Variants in PCNT observed in about 807,000 individuals in gnomAD.
PCNT encodes kendrin.
A neutral mutation model predicts 380.4 loss-of-function variants in PCNT; 319 were observed. That is an observed-to-expected ratio of 0.84 (90% CI 0.77 to 0.92). The LOEUF is 0.92. Among genes scored for constraint, PCNT ranks in the 40% least tolerant of loss-of-function variants. PCNT has a pLI of 0.00. For missense variants in PCNT, 4,400 were observed against 4,255.3 expected (o/e 1.03, Z -0.95); for synonymous variants, 1,845 against 1,735.2 (o/e 1.06, Z -1.57).
In PCNT at chr21:46,334,605, TCA is replaced by T; in HGVS notation, c.479_480del (p.Thr160SerfsTer3). On this transcript the variant is annotated frameshift_variant, in exon 3 of 47. Transcript: ENST00000359568. LOFTEE classifies it high-confidence loss of function. The stretch of plus-strand genomic sequence containing the variant: ...CACCCACCAGAACAGCATGGGATGT[TCA>T]CAGTCAGTGACCACCCACCAGAACA... 6.2e-7 allele frequency: 1 copy of T among 1,605,892 alleles called. No homozygotes were observed.
chr21:46,388,133 C>T lies in PCNT; in HGVS notation c.3465-609C>T, dbSNP rs2085904338. 6.6e-6 allele frequency among the ~76,000 whole-genome samples: 1 copy of T among 152,100 alleles called. No individual in the cohort carries two copies. Among genetic ancestry groups the T allele is most frequent in the Admixed American group, 6.6e-5 (1 of 15,266 alleles). ...GCTGAGGCAGGAGAAAGGCGTGAAC[C>T]CGGGAGGTGGAGCTTGCAGTGAGCC... On this transcript the variant is annotated intron_variant, in intron 17 of 46. Transcript: ENST00000359568. This position sits in a 1 kb window ranked among gnomAD's most constrained non-coding sequence, Gnocchi z 4.2.
intron 2 of PCNT, among the ~76,000 whole-genome samples, chr21:46,331,190 C>T (rs927959811): frequency 7.2e-5 from 11 of 152,008 alleles, no homozygotes; most frequent in African/African-American, 2.7e-4. Context: ...ACAGGTCCTC[C>T]CTCTGGCGCC....
At chr21:46,373,779 G>C (rs2085240084) in intron 15 of PCNT, among the ~76,000 whole-genome samples, 1 of 137,700 alleles carries the variant, frequency 7.3e-6, no homozygotes, top group Non-Finnish European at 1.5e-5. Context: ...CGCCAGGCTG[G>C]AGTGCAGTGG....
chr21:46,340,374 C>T (rs1298878289), intron 3 of PCNT, among the ~76,000 whole-genome samples: 1 of 152,192 alleles, frequency 6.6e-6, no homozygotes, highest in Non-Finnish European at 1.5e-5. Context: ...GCTCAGCCCA[C>T]TTTTGTGCTT....
In PCNT at chr21:46,370,807, G is replaced by A. The variant is rs565299910; in HGVS notation, c.3165+3668G>A. On this transcript the variant is annotated intron_variant, in intron 15 of 46. Transcript: ENST00000359568. Reference sequence around the variant, plus strand: ...TCCCAGCACTTTGGGAGGCTAAGGCGGGCAGATCATGAGGTCAGGAGATCA... The same window carrying A: ...TCCCAGCACTTTGGGAGGCTAAGGCAGGCAGATCATGAGGTCAGGAGATCA... 1.2e-4 allele frequency among the ~76,000 whole-genome samples: 18 copies of A among 152,238 alleles called. No individual in the cohort carries two copies. The South Asian group carries it at 2.1e-3, about 18-fold the overall frequency.
rs199640387 is a variant in PCNT at position 46,390,056 on chromosome 21, C to G, written c.3841-614C>G. Among the ~76,000 whole-genome samples, 296 of 152,376 alleles carry G rather than the reference C, an allele frequency of 1.9e-3. 1 individual carries two copies. The highest frequency in any genetic ancestry group is 3.0e-3 in the Non-Finnish European group (204 of 68,046). ...GAAAGTGTACGGGAGTGTGAGCAAC[C>G]CATCCGGAGGGTCTTCCAGAGCCTC... is the stretch of plus-strand genomic sequence containing the variant. On this transcript the variant is annotated intron_variant, in intron 19 of 46. Transcript: ENST00000359568.
intron 15 of PCNT, among the ~76,000 whole-genome samples, chr21:46,371,123 TGAG>T (rs1286838894): frequency 1.3e-4 from 19 of 151,670 alleles, no homozygotes; most frequent in Admixed American, 1.2e-3. Flanking sequence ...CTTGGGAGGC[TGAG>T]GAGAGAAAAT....
chr21:46,400,937 T>C (rs1385147064), intron 25 of PCNT, among the ~76,000 whole-genome samples: 2 of 152,212 alleles, frequency 1.3e-5, no homozygotes, highest in Non-Finnish European at 2.9e-5. Context: ...CACCTGCACT[T>C]GGAGCGGAGT....
chr21:46,366,750 G>T lies in PCNT; in HGVS notation c.2776G>T (p.Ala926Ser). 6.2e-7 allele frequency: 1 copy of T among 1,613,554 alleles called. No homozygotes were observed. The highest frequency in any genetic ancestry group is 8.5e-7 in the Non-Finnish European group (1 of 1,180,048). The change falls in exon 15 of 47, where the codon GCG becomes TCG. Residue 926 changes from alanine to serine, a missense_variant. Physicochemically the swap from Ala to Ser is moderately conservative, Grantham distance 99. Transcript: ENST00000359568. ...GGAGCTCGAGGCCAGACACCAGGCC[G>T]CGTTGGGCGAGCTGACAGCCTCCTT... Reference protein sequence around the residue: ...TAELEARHQAALGELTASLES... With the variant: ...TAELEARHQASLGELTASLES...
rs746468689 is a variant in PCNT at position 46,411,720 on chromosome 21, C to T, written c.5647C>T (p.Arg1883Trp). Residue 1883 changes from arginine (R) to tryptophan (W), a missense_variant, in exon 28 of 47, where the codon CGG becomes TGG. Transcript: ENST00000359568. ...RNLEIDALNQ[R>W]KAAHSAELEA... ...TTTAGAAATCGACGCTCTGAACCAG[C>T]GGAAGGCGGCCCACTCTGCCGAGCT... 243 of 1,612,224 alleles carry T rather than the reference C, an allele frequency of 1.5e-4. No individual in the cohort carries two copies. In the East Asian group the frequency reaches 4.3e-3, roughly 28 times the overall value.
intron 27 of PCNT, among the ~76,000 whole-genome samples, 188 bp downstream of exon 27, chr21:46,402,671 G>C (rs1161002888): frequency 6.6e-6 from 1 of 152,148 alleles, no homozygotes; most frequent in Non-Finnish European, 1.5e-5. Flanking sequence ...AGCTTTCTAG[G>C]GATCTTGAGT....
At chr21:46,398,912 C>T (rs1017372256) in intron 24 of PCNT, among the ~76,000 whole-genome samples, 5 of 150,984 alleles carry the variant, frequency 3.3e-5, no homozygotes, top group African/African-American at 7.3e-5. Flanking sequence ...CTCCACCTCC[C>T]GGGTTCACGC....
chr21:46,389,540 C>G, intron 19 of PCNT, 109 bp downstream of exon 19: 5 of 819,256 alleles, frequency 6.1e-6, no homozygotes, highest in Non-Finnish European at 7.8e-6. Context: ...ACGGGTTTCT[C>G]CCCAAGGAGG....
intron 21 of PCNT, among the ~76,000 whole-genome samples, chr21:46,392,094 A>T (rs881924): frequency 0.15 from 22,734 of 151,756 alleles, 1,771 homozygotes; most frequent in South Asian, 0.21. Flanking sequence ...TATTATTATT[A>T]TTTTTTTACA....
At chr21:46,431,066 G>C in intron 37 of PCNT, 1 of 985,494 alleles carries the variant, frequency 1.0e-6, no homozygotes, top group Non-Finnish European at 1.2e-6. Context: ...GTCTGTGCCA[G>C]TTCCATGGGT....
chr21:46,411,744 C>T lies in PCNT; in HGVS notation c.5671C>T (p.Leu1891=). ...GCGGAAGGCGGCCCACTCTGCCGAG[C>T]TGGAGGCCGTCCTGTTGGCCTTGGC... The part of the protein sequence containing the change: ...NQRKAAHSAE[L]EAVLLALARI... Residue 1891 remains leucine, a synonymous_variant, in exon 28 of 47, where the codon CTG becomes TTG. Coordinates refer to ENST00000359568, the MANE Select transcript of PCNT (RefSeq NM_006031.6). 6.2e-7 allele frequency: 1 copy of T among 1,611,348 alleles called. No homozygotes were observed. Among genetic ancestry groups the T allele is most frequent in the Non-Finnish European group, 8.5e-7 (1 of 1,179,750 alleles).
intron 31 of PCNT, among the ~76,000 whole-genome samples, chr21:46,419,910 C>T (rs1275518179): frequency 6.6e-6 from 1 of 152,172 alleles, no homozygotes; most frequent in East Asian, 1.9e-4. Flanking sequence ...CTGGCCAGCC[C>T]CCTCTTTTTT....
At chr21:46,383,042 G>A (rs1363231255) in intron 16 of PCNT, among the ~76,000 whole-genome samples, 3 of 145,874 alleles carry the variant, frequency 2.1e-5, no homozygotes, top group Non-Finnish European at 4.5e-5. Context: ...TCACAGTGCT[G>A]CGCATTCAGC....
At chr21:46,343,637 A>G (rs760892450) in intron 3 of PCNT, among the ~76,000 whole-genome samples, 1 of 152,068 alleles carries the variant, frequency 6.6e-6, no homozygotes, top group Admixed American at 6.5e-5. Context: ...ACTTCATAGA[A>G]TGATTTAGGA....
Sources: allele counts gnomAD v4.1 joint callset (sites outside exome capture counted in the v4.1 genomes callset), GRCh38; gene constraint gnomAD v4.1.1; non-coding constraint Gnocchi (gnomAD v3.1); transcripts MANE v1.5; gene names NCBI Gene and HGNC (gene_info 2026-07-23, HGNC 2026-07-21).